TRPV2: variants seen among roughly 807,000 people sequenced by gnomAD.
TRPV2 encodes the protein transient receptor potential cation channel subfamily V member 2, also known as OTRPC2.
TRPV2 carries 58 observed loss-of-function variants against 91.0 expected under a neutral mutation model. The ratio of observed to expected loss-of-function variants is 0.64; its 90% confidence interval spans 0.52 to 0.79. TRPV2 has a LOEUF of 0.79. Among genes scored for constraint, TRPV2 ranks in the 30% least tolerant of loss-of-function variants. The pLI, the probability that TRPV2 is intolerant of heterozygous loss-of-function variation, is 0.00. For synonymous variants in TRPV2, 417 were observed against 414.8 expected, an observed-to-expected ratio of 1.01 and a Z score of -0.06; for missense variants, 807 against 969.6, an observed-to-expected ratio of 0.83 and a Z score of 2.23.
rs770340479 is a variant in TRPV2, at chr17:16,430,485, TC to T, written c.1588-1297del. Among the ~76,000 whole-genome samples, 5 of 82,198 alleles carry T rather than the reference TC, an allele frequency of 6.1e-5. 1 individual carries two copies. The highest frequency in any genetic ancestry group is 3.6e-5 in the Non-Finnish European group (1 of 28,158). The allele number at this position is 82,198 out of a possible 152,430, so 53.9% of individuals were successfully genotyped here. A position where few individuals can be genotyped will look rare whatever the true frequency, so the allele number is the denominator to read the frequency against. On this transcript the variant is annotated intron_variant, in intron 10 of 14. Coordinates refer to ENST00000338560, the MANE Select transcript of TRPV2 (RefSeq NM_016113.5). ...GTTGTAGCATGTGTCAGAAATGCCTTCCTTTTTTTTTTTTTTTTGAGATGGA... is the reference window on the plus strand; with the variant it reads ...GTTGTAGCATGTGTCAGAAATGCCTTCTTTTTTTTTTTTTTTTGAGATGGA...
At chr17:16,416,228 C>T (rs540151458) in intron 1 of TRPV2, 1 of 152,820 alleles carries the variant, frequency 6.5e-6, no homozygotes, top group South Asian at 2.1e-4. Context: ...CTCCCCACCT[C>T]CCATGTTTCC....
intron 8 of TRPV2, 60 bp from the exon 9 acceptor site, chr17:16,428,257 C>T: frequency 6.4e-7 from 1 of 1,559,932 alleles, no homozygotes; most frequent in Non-Finnish European, 8.8e-7. Context: ...CTCAGCCAGG[C>T]CAGCAGGGGG....
At chr17:16,419,415 C>G in intron 2 of TRPV2, 1 of 470,928 alleles carries the variant, frequency 2.1e-6, no homozygotes, top group Non-Finnish European at 4.4e-6. Flanking sequence ...CCAGGTAATG[C>G]TCTGTTTCTG....
chr17:16,433,105 C>T (rs541228216), intron 12 of TRPV2: 21 of 156,842 alleles, frequency 1.3e-4, no homozygotes, highest in Admixed American at 1.2e-3. Context: ...ATGCCCCACC[C>T]TGCTGCCAAT....
Position 16,436,899 on chromosome 17 carries a change from T to C in TRPV2, c.*10T>C. 6.2e-7 allele frequency: 1 copy of C among 1,609,314 alleles called. No homozygotes were observed. The highest frequency in any genetic ancestry group is 8.5e-7 in the Non-Finnish European group (1 of 1,175,568). On this transcript the variant is annotated 3_prime_UTR_variant, in exon 15 of 15. Transcript: ENST00000338560. ...CCTCCAGTCCAACTGATGGCCCAGA[T>C]GCAGCAGGAGGCCAGAGGACAGAGC...
intron 5 of TRPV2, among the ~76,000 whole-genome samples, 190 bp from the exon 6 acceptor site, chr17:16,425,909 G>A (rs534021325): frequency 6.6e-6 from 1 of 152,326 alleles, no homozygotes; most frequent in East Asian, 1.9e-4. Flanking sequence ...TGGGGCAGAT[G>A]TGGCTGGGTG....
At chr17:16,436,724 C>T in intron 14 of TRPV2, 65 bp from the exon 15 acceptor site, 2 of 1,217,222 alleles carry the variant, frequency 1.6e-6, no homozygotes, top group South Asian at 1.2e-5. Context: ...GCCCCGTTTC[C>T]CTGGTGCCTG....
chr17:16,431,291 A>ACATTTTTT (rs1555883058), intron 10 of TRPV2, among the ~76,000 whole-genome samples: 1 of 67,392 alleles, frequency 1.5e-5, no homozygotes, highest in African/African-American at 6.4e-5. Context: ...ATATATACAT[A>ACATTTTTT]TTTTTTTTTT....
At chr17:16,419,686 G>A (rs1013158845) in intron 2 of TRPV2, among the ~76,000 whole-genome samples, 2 of 152,218 alleles carry the variant, frequency 1.3e-5, no homozygotes, top group East Asian at 3.9e-4. Context: ...TTTGAAGGCA[G>A]TGATGCATGC....
At chr17:16,421,392 ATT>A (rs907438658) in intron 3 of TRPV2, among the ~76,000 whole-genome samples, 19 of 147,324 alleles carry the variant, frequency 1.3e-4, no homozygotes, top group African/African-American at 2.3e-4. Context: ...AATTTTTTGT[ATT>A]TTTTTAGTAG....
At chr17:16,436,704 C>A in intron 14 of TRPV2, 85 bp from the exon 15 acceptor site, 1 of 957,084 alleles carries the variant, frequency 1.0e-6, no homozygotes, top group Non-Finnish European at 1.7e-6. Flanking sequence ...GACGTGTTTT[C>A]ATGACTGTGG....
chr17:16,426,206 T>C lies in TRPV2; in HGVS notation c.1032T>C (p.Ala344=), dbSNP rs2093382347. 6.2e-7 allele frequency: 1 copy of C among 1,614,106 alleles called. No individual in the cohort carries two copies. Among genetic ancestry groups the C allele is most frequent in the Non-Finnish European group, 8.5e-7 (1 of 1,180,050 alleles). The change falls in exon 6 of 15, where the codon GCT becomes GCC. Residue 344 remains alanine, a synonymous_variant. Transcript: ENST00000338560. The surrounding 1 kb of genome is among the most constrained non-coding windows in gnomAD (Gnocchi z 6.0). ...GPVRVSLYDL[A]SVDSCEENSV... ...TCCGGGTGTCGCTGTATGACCTGGC[T>C]TCTGTGGACAGCTGTGAGGAGAACT... is the stretch of plus-strand genomic sequence containing the variant.
chr17:16,432,090 C>T lies in TRPV2; in HGVS notation c.1779C>T (p.Ile593=), dbSNP rs755478388. The stretch of plus-strand genomic sequence containing the variant: ...GCAACGGGGCCCAGTACAGGGGTAT[C>T]CTGGAAGCCTCCTTGGAGCTCTTCA... The part of the protein sequence containing the change: ...DEGNGAQYRG[I]LEASLELFKF... The change falls in exon 12 of 15, where the codon ATC becomes ATT. Residue 593 remains isoleucine, a synonymous_variant. Transcript: ENST00000338560. 2 of 1,614,086 alleles carry T rather than the reference C, an allele frequency of 1.2e-6. No individual in the cohort carries two copies. Among genetic ancestry groups the T allele is most frequent in the Non-Finnish European group, 1.7e-6 (2 of 1,180,032 alleles).
Position 16,427,435 on chromosome 17 carries a change from G to C in TRPV2, c.1252-14G>C, listed in dbSNP as rs775279311. On this transcript the variant is annotated splice_polypyrimidine_tract_variant and intron_variant, in intron 7 of 14. Coordinates refer to ENST00000338560, the MANE Select transcript of TRPV2 (RefSeq NM_016113.5). ...GGACCCAAGGCCCTAGGTCTCATCTGAGTGTGTCTTCAGCAGGCCGCCCCT... is the reference window on the plus strand; with the variant it reads ...GGACCCAAGGCCCTAGGTCTCATCTCAGTGTGTCTTCAGCAGGCCGCCCCT... The C allele has an allele frequency of 6.2e-7, 1 of 1,612,948 alleles. No individual in the cohort carries two copies. Among genetic ancestry groups the C allele is most frequent in the East Asian group, 2.2e-5 (1 of 44,868 alleles).
intron 12 of TRPV2, 76 bp downstream of exon 12, chr17:16,432,376 C>A: frequency 7.3e-7 from 1 of 1,374,274 alleles, no homozygotes; most frequent in South Asian, 1.4e-5. Flanking sequence ...CCCTGCGGAG[C>A]TGGGCCTTCC....
At chr17:16,419,029 C>CAA (rs746511644) in intron 2 of TRPV2, among the ~76,000 whole-genome samples, 8 of 130,280 alleles carry the variant, frequency 6.1e-5, no homozygotes, top group Non-Finnish European at 1.0e-4. Context: ...ACTCTGTCTC[C>CAA]AAAAAAAAAA....
At chr17:16,423,333 C>A in intron 4 of TRPV2, 136 bp from the exon 5 acceptor site, 4 of 1,012,064 alleles carry the variant, frequency 4.0e-6, no homozygotes, top group Non-Finnish European at 5.6e-6. Flanking sequence ...GGTTGGCTGG[C>A]CCCTGTTCTG....
chr17:16,433,447 G>A (rs535948004), intron 12 of TRPV2, 127 bp from the exon 13 acceptor site: 35 of 1,360,976 alleles, frequency 2.6e-5, no homozygotes, highest in South Asian at 1.6e-4. Context: ...TCGAATCCGC[G>A]TGTTTAGTTG....
intron 13 of TRPV2, 142 bp downstream of exon 13, chr17:16,433,840 C>A: frequency 8.3e-7 from 1 of 1,208,792 alleles, no homozygotes; most frequent in Non-Finnish European, 1.1e-6. Flanking sequence ...TGAGCCTGAG[C>A]AGGTGAGGTC....
Sources: gnomAD v4.1 joint callset for allele counts (sites outside exome capture counted in the v4.1 genomes callset) on GRCh38, gnomAD v4.1.1 for gene constraint, Gnocchi (gnomAD v3.1) non-coding constraint, MANE v1.5 for transcripts, NCBI Gene and HGNC (gene_info 2026-07-23, HGNC 2026-07-21) for gene names.